WDR4: variants seen among roughly 807,000 people sequenced by gnomAD.
WDR4 encodes WDR4 tRNA N7-guanosine methyltransferase non-catalytic subunit.
In WDR4, 47 loss-of-function variants were observed where a neutral mutation model predicts 48.6. That is an observed-to-expected ratio of 0.97 (90% CI 0.77 to 1.23). WDR4 has a LOEUF of 1.23. Ranked by LOEUF, WDR4 falls within the 50% of genes most tolerant of loss-of-function variation. WDR4 has a pLI of 0.00. For missense variants in WDR4, 606 were observed against 551.6 expected (o/e 1.10, Z -0.99); for synonymous variants, 268 against 230.0 (o/e 1.17, Z -1.49).
rs535465497 is a variant in WDR4 at position 42,850,047 on chromosome 21, G to C, written c.*2C>G. The C allele has an allele frequency of 6.2e-7, 1 of 1,613,566 alleles. No homozygotes were observed. Among genetic ancestry groups the C allele is most frequent in the Non-Finnish European group, 8.5e-7 (1 of 1,179,854 alleles). On this transcript the variant is annotated 3_prime_UTR_variant, in exon 11 of 11. Coordinates refer to ENST00000398208, the MANE Select transcript of WDR4 (RefSeq NM_018669.6). ...GGTGAGAGACACCACTGACCGCCAC[G>C]ATCAGCAACTTAGCGTCGCCTCCCC...
chr21:42,875,182 G>T lies in WDR4; in HGVS notation c.156-1491C>A, dbSNP rs569029061. Among the ~76,000 whole-genome samples the T allele has an allele frequency of 1.3e-4, 20 of 152,218 alleles. 1 individual carries two copies. The South Asian group carries it at 4.1e-3, about 32-fold the overall frequency. On this transcript the variant is annotated intron_variant, in intron 2 of 10. Coordinates refer to ENST00000398208, the MANE Select transcript of WDR4 (RefSeq NM_018669.6). The stretch of plus-strand genomic sequence containing the variant: ...CCCCAATACTTTGGGAGGACAAGGC[G>T]AGAGGATCGCTTGAGCTCAGGAGTT...
At chr21:42,890,491 G>A in the WDR4 span, among the ~76,000 whole-genome samples, 481 of 151,670 alleles carry the variant, frequency 3.2e-3, 2 homozygotes, top group African/African-American at 0.01. Flanking sequence ...AGCCAAGATC[G>A]CGCCACTGCA....
intron 10 of WDR4, among the ~76,000 whole-genome samples, chr21:42,850,515 ACT>A (rs1276277446): frequency 6.6e-6 from 1 of 151,962 alleles, no homozygotes; most frequent in African/African-American, 2.4e-5. Context: ...CCCCGCCAGC[ACT>A]CTCTGCTTGC....
upstream of WDR4, among the ~76,000 whole-genome samples, chr21:42,883,051 A>T (rs2146130336): frequency 6.8e-6 from 1 of 147,412 alleles, no homozygotes; most frequent in Non-Finnish European, 1.5e-5. Context: ...ATAAGCCGAG[A>T]TCATGCCACT....
At chr21:42,852,583 G>A (rs2057862822) in intron 9 of WDR4, among the ~76,000 whole-genome samples, 1 of 152,226 alleles carries the variant, frequency 6.6e-6, no homozygotes, top group South Asian at 2.1e-4. Flanking sequence ...GACATCATGT[G>A]GCCTGCCACT....
intron 6 of WDR4, among the ~76,000 whole-genome samples, 181 bp from the exon 7 acceptor site, chr21:42,855,961 A>G (rs2057979703): frequency 6.6e-6 from 1 of 152,178 alleles, no homozygotes; most frequent in South Asian, 2.1e-4. Context: ...ATCAAGGACA[A>G]CGGTGGGGAA....
intron 4 of WDR4, among the ~76,000 whole-genome samples, chr21:42,863,239 G>A (rs905526913): frequency 3.3e-5 from 5 of 152,146 alleles, no homozygotes; most frequent in African/African-American, 1.2e-4. Flanking sequence ...CCCACCAAAC[G>A]CTGGGGCACA....
intron 5 of WDR4, among the ~76,000 whole-genome samples, chr21:42,861,892 C>T (rs1424668673): frequency 1.3e-5 from 2 of 152,206 alleles, no homozygotes; most frequent in Admixed American, 1.3e-4. Flanking sequence ...CACCTGGCTG[C>T]AGAGGCCGCT....
intron 6 of WDR4, 54 bp from the exon 7 acceptor site, chr21:42,855,834 A>T: frequency 7.0e-7 from 1 of 1,425,756 alleles, no homozygotes; most frequent in Non-Finnish European, 9.5e-7. Context: ...TCCGTCAGGT[A>T]GGGTGACAGA....
Position 42,863,351 on chromosome 21 carries a change from T to C in WDR4, c.453+89A>G, listed in dbSNP as rs868681608. 8.1e-5 allele frequency: 119 copies of C among 1,476,656 alleles called. 1 individual carries two copies. In the Middle Eastern group the frequency reaches 1.1e-3, roughly 14 times the overall value. The allele number at this position is 1,476,656 out of a possible 1,614,324, so 91.5% of individuals were successfully genotyped here. A position where few individuals can be genotyped will look rare whatever the true frequency, so the allele number is the denominator to read the frequency against. ...TGCCTGAGCCTTGACAGGGTAGACA[T>C]TGACTCAGCGTATGCCCCACGTGCC... On this transcript the variant is annotated intron_variant, in intron 4 of 10. Transcript: ENST00000398208.
At chr21:42,877,815 T>G (rs1487846651) in intron 1 of WDR4, among the ~76,000 whole-genome samples, 1 of 151,930 alleles carries the variant, frequency 6.6e-6, no homozygotes, top group Non-Finnish European at 1.5e-5. Context: ...GAGGCCGAGA[T>G]GGGCGGATCA....
intron 11 of WDR4, chr21:42,843,316 G>A (rs2057682270): frequency 2.0e-5 from 3 of 151,182 alleles, no homozygotes; most frequent in South Asian, 4.2e-4. Context: ...TAGCAGAAAA[G>A]GAACAATTAT....
chr21:42,864,320 G>A lies in WDR4; in HGVS notation c.297-724C>T, dbSNP rs184074423. On this transcript the variant is annotated intron_variant, in intron 3 of 10. Transcript: ENST00000398208. ...TCCATAAACGCTGAGTGTGCTGGGGGCCACTGTCAAGGACAAAGGCAGGCA... is the reference window on the plus strand; with the variant it reads ...TCCATAAACGCTGAGTGTGCTGGGGACCACTGTCAAGGACAAAGGCAGGCA... Among the ~76,000 whole-genome samples, 11 of 151,944 alleles carry A rather than the reference G, an allele frequency of 7.2e-5. No homozygotes were observed. In the East Asian group the frequency reaches 1.6e-3, roughly 21 times the overall value.
chr21:42,885,467 G>A, the WDR4 span, among the ~76,000 whole-genome samples: 18 of 151,914 alleles, frequency 1.2e-4, no homozygotes, highest in East Asian at 1.9e-4. Flanking sequence ...AAAATTAGCC[G>A]GGCATGGTGG....
chr21:42,891,270 C>G, the WDR4 span, among the ~76,000 whole-genome samples: 1 of 150,674 alleles, frequency 6.6e-6, no homozygotes, highest in Non-Finnish European at 1.5e-5. Context: ...TGCAGTAAGC[C>G]GAGATTGCCC....
chr21:42,851,048 C>CA (rs2086094313), intron 10 of WDR4, among the ~76,000 whole-genome samples: 1 of 152,212 alleles, frequency 6.6e-6, no homozygotes, highest in Admixed American at 6.5e-5. Flanking sequence ...GTCCCTCTCC[C>CA]AACGCAGGCC....
chr21:42,875,916 CTT>C lies in WDR4; in HGVS notation c.155+784_155+785del, dbSNP rs71194083. 1.8e-4 allele frequency among the ~76,000 whole-genome samples: 19 copies of C among 104,892 alleles called. No homozygotes were observed. The South Asian group carries it at 3.2e-3, about 17-fold the overall frequency. The allele number at this position is 104,892 out of a possible 152,430, so 68.8% of individuals were successfully genotyped here. A position where few individuals can be genotyped will look rare whatever the true frequency, so the allele number is the denominator to read the frequency against. On this transcript the variant is annotated intron_variant, in intron 2 of 10. Transcript: ENST00000398208. Reference sequence around the variant, plus strand: ...TATTTAGAAAAGTCCTAACACTGTGCTTTTTTTTTTTTTTTTTTTGAGACGGA... The same window carrying C: ...TATTTAGAAAAGTCCTAACACTGTGCTTTTTTTTTTTTTTTTTGAGACGGA...
chr21:42,850,009 T>C lies in WDR4; in HGVS notation c.*40A>G. The stretch of plus-strand genomic sequence containing the variant: ...ATGCAGGGGAACAAGTTAAAAAGCT[T>C]TTCCTAATTTGAGGTGAGAGACACC... On this transcript the variant is annotated 3_prime_UTR_variant, in exon 11 of 11. Transcript: ENST00000398208. 6.2e-7 allele frequency: 1 copy of C among 1,601,486 alleles called. No individual in the cohort carries two copies. Among genetic ancestry groups the C allele is most frequent in the Non-Finnish European group, 8.5e-7 (1 of 1,176,852 alleles).
chr21:42,867,700 T>C (rs570437698), intron 3 of WDR4, among the ~76,000 whole-genome samples: 2 of 152,104 alleles, frequency 1.3e-5, no homozygotes, highest in Admixed American at 1.3e-4. Context: ...GTACTTAAAC[T>C]AGATGCACTG....
Sources: allele counts gnomAD v4.1 joint callset (sites outside exome capture counted in the v4.1 genomes callset), GRCh38; gene constraint gnomAD v4.1.1; transcripts MANE v1.5; gene names NCBI Gene and HGNC (gene_info 2026-07-23, HGNC 2026-07-21).